DGKG: variants seen among roughly 807,000 people sequenced by gnomAD.
DGKG encodes the protein diacylglycerol kinase gamma, also known as DAG kinase gamma.
DGKG carries 78 observed loss-of-function variants against 105.3 expected under a neutral mutation model. That is an observed-to-expected ratio of 0.74 (90% CI 0.62 to 0.89). The LOEUF (loss-of-function observed/expected upper bound fraction) is 0.89, where lower values mean the gene tolerates loss of function less well. DGKG is among the 40% of genes least tolerant of loss of function. The pLI is 0.00. For synonymous variants in DGKG, 346 were observed against 367.1 expected, an observed-to-expected ratio of 0.94 and a Z score of 0.66; for missense variants, 958 against 1,020.1, an observed-to-expected ratio of 0.94 and a Z score of 0.83.
chr3:186,302,471 T>C (rs1199782561), intron 3 of DGKG, among the ~76,000 whole-genome samples: 6 of 9,618 alleles, frequency 6.2e-4, no homozygotes, highest in African/African-American at 2.4e-3. Context: ...TATATATATA[T>C]ATATATATAT....
At chr3:186,259,485 C>T (rs1402171150) in intron 16 of DGKG, among the ~76,000 whole-genome samples, 1 of 152,198 alleles carries the variant, frequency 6.6e-6, no homozygotes. Context: ...GTTTCTTTCT[C>T]TTTTTAACTG....
At chr3:186,360,069 C>G (rs1479323670) in intron 1 of DGKG, among the ~76,000 whole-genome samples, 3 of 152,080 alleles carry the variant, frequency 2.0e-5, no homozygotes, top group Non-Finnish European at 4.4e-5. Context: ...GTTCTTTCCT[C>G]GCAGAGGCTC....
intron 1 of DGKG, among the ~76,000 whole-genome samples, chr3:186,342,214 G>T (rs1726123763): frequency 6.6e-6 from 1 of 152,194 alleles, no homozygotes; most frequent in African/African-American, 2.4e-5. Context: ...AGTCTAGACA[G>T]CAAGAGATTG....
At chr3:186,334,989 C>A (rs1228300158) in intron 1 of DGKG, among the ~76,000 whole-genome samples, 1 of 152,172 alleles carries the variant, frequency 6.6e-6, no homozygotes, top group Non-Finnish European at 1.5e-5. Flanking sequence ...TACAGAAACA[C>A]CACAGCTTGA....
Position 186,361,219 on chromosome 3 carries a change from C to G in DGKG, c.-249+727G>C, listed in dbSNP as rs1466172519. On this transcript the variant is annotated intron_variant, in intron 1 of 24. Transcript: ENST00000265022. This position sits in a 1 kb window ranked among gnomAD's most constrained non-coding sequence, Gnocchi z 6.8. ...TAGGGCTTTTTAGAACTCCACAGCC[C>G]CCTCCCCTAATTCTATTCCACTAGT... Among the ~76,000 whole-genome samples, 1 of 152,198 alleles carries G rather than the reference C, an allele frequency of 6.6e-6. No homozygotes were observed. Among genetic ancestry groups the G allele is most frequent in the East Asian group, 1.9e-4 (1 of 5,200 alleles).
At chr3:186,199,896 A>T (rs1297231596) in intron 21 of DGKG, among the ~76,000 whole-genome samples, 2 of 152,188 alleles carry the variant, frequency 1.3e-5, no homozygotes, top group African/African-American at 2.4e-5. Flanking sequence ...GTCAAGGTTC[A>T]TGATAGTCCT....
chr3:186,187,619 T>A (rs1560086283), intron 22 of DGKG, among the ~76,000 whole-genome samples: 1 of 152,092 alleles, frequency 6.6e-6, no homozygotes, highest in Non-Finnish European at 1.5e-5. Context: ...GGAGGCATCA[T>A]GAGTAAGCAC....
chr3:186,276,598 A>G (rs1722599438), intron 9 of DGKG, among the ~76,000 whole-genome samples: 1 of 152,186 alleles, frequency 6.6e-6, no homozygotes, highest in South Asian at 2.1e-4. Context: ...TTAGACCATC[A>G]CCTCCTGACT....
chr3:186,330,888 A>G (rs1435435019), intron 1 of DGKG, among the ~76,000 whole-genome samples: 1 of 152,240 alleles, frequency 6.6e-6, no homozygotes, highest in Non-Finnish European at 1.5e-5. Context: ...ATAATTGTGG[A>G]GCAACAAGAT....
intron 17 of DGKG, among the ~76,000 whole-genome samples, chr3:186,256,364 C>T (rs1370754393): frequency 1.6e-4 from 24 of 152,186 alleles, no homozygotes; most frequent in Admixed American, 1.5e-3. Flanking sequence ...CCTTGACTTC[C>T]CTCGTCCTCT....
intron 22 of DGKG, among the ~76,000 whole-genome samples, chr3:186,178,294 C>T (rs1299119535): frequency 6.6e-6 from 1 of 152,186 alleles, no homozygotes; most frequent in Non-Finnish European, 1.5e-5. Context: ...CTGTGCAGAG[C>T]ATGTGGCCAG....
chr3:186,186,285 C>G (rs1046390901), intron 22 of DGKG, among the ~76,000 whole-genome samples: 1 of 152,088 alleles, frequency 6.6e-6, no homozygotes, highest in Non-Finnish European at 1.5e-5. Flanking sequence ...TTGTTTTCTT[C>G]TAGTGGTGGG....
intron 13 of DGKG, among the ~76,000 whole-genome samples, chr3:186,266,103 C>T (rs1722043386): frequency 6.6e-6 from 1 of 152,110 alleles, no homozygotes; most frequent in African/African-American, 2.4e-5. Flanking sequence ...CTAAATTGTA[C>T]AGCTTGATGA....
At chr3:186,272,438 T>C (rs1722361036) in intron 10 of DGKG, 95 bp from the exon 11 acceptor site, 12 of 883,840 alleles carry the variant, frequency 1.4e-5, no homozygotes, top group Non-Finnish European at 2.2e-5. Flanking sequence ...GTACCTCCCT[T>C]TGGGTGGCTG....
chr3:186,192,976 T>C (rs1422863066), intron 21 of DGKG, among the ~76,000 whole-genome samples: 1 of 152,204 alleles, frequency 6.6e-6, no homozygotes, highest in Non-Finnish European at 1.5e-5. Flanking sequence ...TCTCTATCCA[T>C]AGCCAGCTAA....
At chr3:186,288,208 C>A (rs183343720) in intron 6 of DGKG, among the ~76,000 whole-genome samples, 191 of 152,010 alleles carry the variant, frequency 1.3e-3, no homozygotes, top group African/African-American at 3.9e-3. Context: ...CTTGGGGTGG[C>A]GGGGGGGCAT....
intron 21 of DGKG, among the ~76,000 whole-genome samples, chr3:186,191,284 C>G (rs1356693162): frequency 6.6e-6 from 1 of 152,218 alleles, no homozygotes; most frequent in Non-Finnish European, 1.5e-5. Context: ...AGCCTAAATA[C>G]TTTGTTAATA....
chr3:186,176,346 G>A (rs1033434758), intron 22 of DGKG, among the ~76,000 whole-genome samples: 6 of 152,180 alleles, frequency 3.9e-5, no homozygotes, highest in African/African-American at 1.2e-4. Context: ...ACATTCCAGA[G>A]ATCTGCACTG....
At chr3:186,185,990 C>T (rs376412884) in intron 22 of DGKG, among the ~76,000 whole-genome samples, 3 of 146,636 alleles carry the variant, frequency 2.0e-5, no homozygotes, top group South Asian at 2.2e-4. Flanking sequence ...CCCAGCTACT[C>T]GGGAGGCTGA....
Sources: allele counts gnomAD v4.1 joint callset (sites outside exome capture counted in the v4.1 genomes callset), GRCh38; gene constraint gnomAD v4.1.1; non-coding constraint Gnocchi (gnomAD v3.1); transcripts MANE v1.5; gene names NCBI Gene and HGNC (gene_info 2026-07-23, HGNC 2026-07-21).